The following KLHL5 variants were observed in gnomAD, a reference collection of about 807,000 sequenced individuals.
KLHL5 encodes kelch like family member 5.
Under a neutral mutation model 77.7 loss-of-function variants are expected in KLHL5, and 48 were observed. That is an observed-to-expected ratio of 0.62 (90% CI 0.49 to 0.79). KLHL5 has a LOEUF of 0.79. KLHL5 is among the 30% of genes least tolerant of loss of function. The pLI is 0.00. For synonymous variants in KLHL5, 260 were observed against 297.0 expected (o/e 0.88, Z 1.28); for missense variants, 723 against 859.7 (o/e 0.84, Z 1.99).
upstream of KLHL5, among the ~76,000 whole-genome samples, chr4:39,060,801 C>T (rs539674688): frequency 3.3e-5 from 5 of 152,264 alleles, no homozygotes; most frequent in South Asian, 2.1e-4. Flanking sequence ...CTCTCTAATG[C>T]GTCCTGCACA....
the KLHL5 span, among the ~76,000 whole-genome samples, chr4:39,132,669 T>C: frequency 1.4e-4 from 22 of 152,202 alleles, no homozygotes; most frequent in African/African-American, 5.3e-4. Flanking sequence ...ATTGTCATTT[T>C]CTACCAGTCA....
At chr4:39,103,035 T>C (rs1470211811) in intron 6 of KLHL5, among the ~76,000 whole-genome samples, 1 of 152,198 alleles carries the variant, frequency 6.6e-6, no homozygotes, top group Non-Finnish European at 1.5e-5. Flanking sequence ...GGGTGTTGTT[T>C]CTCACCCTCC....
At chr4:39,082,189 A>G (rs1205430414) in intron 4 of KLHL5, 30 bp downstream of exon 4, 1 of 1,496,326 alleles carries the variant, frequency 6.7e-7, no homozygotes, top group Non-Finnish European at 9.1e-7. Context: ...GAGAAAGTCG[A>G]TCCTCCATAT....
chr4:39,121,308 G>A lies in KLHL5; in HGVS notation c.*242G>A. The A allele has an allele frequency of 3.8e-6, 2 of 530,968 alleles. No homozygotes were observed. The allele number at this position is 530,968 out of a possible 1,614,324, so 32.9% of individuals were successfully genotyped here. On this transcript the variant is annotated 3_prime_UTR_variant, in exon 11 of 11. Coordinates refer to ENST00000504108, the MANE Select transcript of KLHL5 (RefSeq NM_015990.5). ...TGGATTGTGATCACACATTCCCGAA[G>A]TAATAAGTGAGGACGAATGCACTGC...
intron 1 of KLHL5, among the ~76,000 whole-genome samples, chr4:39,069,481 C>T (rs962283097): frequency 3.0e-5 from 4 of 135,458 alleles, no homozygotes; most frequent in South Asian, 2.3e-4. Context: ...TATACACACA[C>T]ACACACACAC....
chr4:39,075,115 T>C (rs1718885341), intron 1 of KLHL5, among the ~76,000 whole-genome samples: 1 of 152,126 alleles, frequency 6.6e-6, no homozygotes, highest in South Asian at 2.1e-4. Context: ...GCAGATCTCC[T>C]GAGGTCAGGA....
At chr4:39,049,314 C>T (rs143963330) in intron 1 of KLHL5, among the ~76,000 whole-genome samples, 60 of 152,308 alleles carry the variant, frequency 3.9e-4, no homozygotes, top group African/African-American at 1.3e-3. Context: ...GAGAACTTCA[C>T]AATTAAGTTT....
chr4:39,132,686 A>C, the KLHL5 span, among the ~76,000 whole-genome samples: 1 of 152,246 alleles, frequency 6.6e-6, no homozygotes. Flanking sequence ...GTCAAGGAAG[A>C]CTATCTTTCT....
chr4:39,083,947 G>A (rs1719834451), intron 4 of KLHL5, among the ~76,000 whole-genome samples: 1 of 152,102 alleles, frequency 6.6e-6, no homozygotes, highest in African/African-American at 2.4e-5. Flanking sequence ...TTTTAACAGA[G>A]ACATGAAATT....
chr4:39,103,194 CTAA>C, intron 6 of KLHL5, 90 bp from the exon 7 acceptor site: 1 of 918,518 alleles, frequency 1.1e-6, no homozygotes, highest in Admixed American at 2.5e-5. Flanking sequence ...ATTCTCAATG[CTAA>C]TAAGATTATA....
chr4:39,085,073 A>G (rs919194208), intron 4 of KLHL5, among the ~76,000 whole-genome samples: 5 of 152,188 alleles, frequency 3.3e-5, no homozygotes, highest in East Asian at 3.8e-4. Context: ...GAGAGTTTCA[A>G]CATTTTTGTA....
chr4:39,075,358 T>G (rs1215883416), intron 1 of KLHL5, among the ~76,000 whole-genome samples: 1 of 150,852 alleles, frequency 6.6e-6, no homozygotes, highest in Non-Finnish European at 1.5e-5. Context: ...AAGAAAGAAA[T>G]CAGAATGCCT....
At chr4:39,045,181 C>T (rs1411409244) in intron 1 of KLHL5, 4 of 983,594 alleles carry the variant, frequency 4.1e-6, no homozygotes, top group Non-Finnish European at 4.8e-6. Context: ...TCTCACGCCC[C>T]GCTGCGGCCT....
chr4:39,059,161 GA>G (rs35341160), upstream of KLHL5, among the ~76,000 whole-genome samples: 4,314 of 151,600 alleles, frequency 0.028, 177 homozygotes, highest in African/African-American at 0.098. Context: ...TGTCGGAACA[GA>G]AAAAAAAGTG....
At chr4:39,062,213 AAGC>A (rs1717478852), upstream of KLHL5, 13 of 1,161,282 alleles carry the variant, frequency 1.1e-5, no homozygotes, top group Middle Eastern at 3.7e-4. Context: ...TTAATATACT[AAGC>A]AGCAGAGACT....
At chr4:39,065,355 ATTTTT>A (rs35238432) in intron 1 of KLHL5, among the ~76,000 whole-genome samples, 1 of 126,560 alleles carries the variant, frequency 7.9e-6, no homozygotes, top group Admixed American at 8.0e-5. Context: ...ACATTCATCA[ATTTTT>A]TTTTTTTTTT....
chr4:39,124,802 C>CAAAAAAA lies in KLHL5; in HGVS notation c.*3754_*3760dup, dbSNP rs71643268. ...GCACCAAAAGCACAAGCAACAACAG[C>CAAAAAAA]AAAAAAAAAAAAAAAAAAAAAAAAT... is the stretch of plus-strand genomic sequence containing the variant. On this transcript the variant is annotated 3_prime_UTR_variant, in exon 11 of 11. Coordinates refer to ENST00000504108, the MANE Select transcript of KLHL5 (RefSeq NM_015990.5). Among the ~76,000 whole-genome samples, 312 of 43,960 alleles carry CAAAAAAA rather than the reference C, an allele frequency of 7.1e-3. No homozygotes were observed. The highest frequency in any genetic ancestry group is 0.023 in the Middle Eastern group (1 of 44). 28.8% of individuals were successfully genotyped at this position (43,960 alleles called of 152,430 possible).
intron 5 of KLHL5, 60 bp downstream of exon 5, chr4:39,086,787 A>C: frequency 8.0e-7 from 1 of 1,244,132 alleles, no homozygotes; most frequent in East Asian, 2.3e-5. Context: ...AAAGAAAATA[A>C]TTGTACATGT....
upstream of KLHL5, among the ~76,000 whole-genome samples, chr4:39,059,515 G>A (rs1717230655): frequency 6.6e-6 from 1 of 152,146 alleles, no homozygotes; most frequent in African/African-American, 2.4e-5. Flanking sequence ...GGGAGGCCGA[G>A]GTGGGCCGCT....
Sources: allele counts gnomAD v4.1 joint callset (sites outside exome capture counted in the v4.1 genomes callset), GRCh38; gene constraint gnomAD v4.1.1; transcripts MANE v1.5; gene names NCBI Gene and HGNC (gene_info 2026-07-23, HGNC 2026-07-21).